Variants in IQSEC3 observed in about 807,000 individuals in gnomAD.
IQSEC3 encodes the protein IQ motif and SEC7 domain-containing protein 3.
A neutral mutation model predicts 105.4 loss-of-function variants in IQSEC3; 50 were observed. That is an observed-to-expected ratio of 0.47 (90% CI 0.38 to 0.60). The LOEUF (loss-of-function observed/expected upper bound fraction) is 0.60, where lower values mean the gene tolerates loss of function less well. Ranked by LOEUF, IQSEC3 falls within the 20% of genes least tolerant of loss-of-function variation. The pLI, the probability that IQSEC3 is intolerant of heterozygous loss-of-function variation, is 0.00. For missense variants in IQSEC3, 1,415 were observed against 1,630.0 expected (o/e 0.87, Z 2.27); for synonymous variants, 708 against 746.0 (o/e 0.95, Z 0.83).
intron 3 of IQSEC3, among the ~76,000 whole-genome samples, chr12:128,378 C>T (rs531842411): frequency 6.6e-6 from 1 of 152,244 alleles, no homozygotes; most frequent in African/African-American, 2.4e-5. Flanking sequence ...CACTTAGTGA[C>T]ATAAAGGGGG....
rs983221425 is a variant in IQSEC3, at chr12:138,187, G to A, written c.904-80G>A. On this transcript the variant is annotated intron_variant, in intron 3 of 13. Coordinates refer to ENST00000538872, the MANE Select transcript of IQSEC3 (RefSeq NM_001170738.2). This position sits in a 1 kb window ranked among gnomAD's most constrained non-coding sequence, Gnocchi z 7.1. ...TCCTGGGCCCCACCCGAGTGTGGCC[G>A]GGTGACTCCACCACTCCTCAGAAGG... 1.5e-5 allele frequency: 19 copies of A among 1,300,760 alleles called. 1 individual carries two copies. The highest frequency in any genetic ancestry group is 6.4e-5 in the Admixed American group (3 of 47,050). The allele number at this position is 1,300,760 out of a possible 1,614,324, so 80.6% of individuals were successfully genotyped here.
intron 3 of IQSEC3, 92 bp downstream of exon 3, chr12:126,004 C>T (rs1275965035): frequency 7.9e-7 from 1 of 1,271,928 alleles, no homozygotes; most frequent in African/African-American, 1.5e-5. Flanking sequence ...CCGCTGGGTC[C>T]CCTCCGCTAC....
intron 1 of IQSEC3, among the ~76,000 whole-genome samples, chr12:92,019 ACGACTAGGGATCCC>A (rs1864102407): frequency 6.6e-6 from 1 of 152,044 alleles, no homozygotes; most frequent in African/African-American, 2.4e-5. Flanking sequence ...GCCTCACAGC[ACGACTAGGGATCCC>A]CAACACATAA....
At chr12:130,713 CAGA>C (rs1555084727) in intron 3 of IQSEC3, among the ~76,000 whole-genome samples, 1 of 152,210 alleles carries the variant, frequency 6.6e-6, no homozygotes, top group African/African-American at 2.4e-5. Flanking sequence ...TGCTGTATTC[CAGA>C]CAGCAGGCTG....
chr12:165,206 C>T (rs374082873), intron 9 of IQSEC3: 12 of 566,668 alleles, frequency 2.1e-5, no homozygotes, highest in Admixed American at 6.3e-5. Flanking sequence ...CCAGCTCAGG[C>T]GCCGTGGCTT....
At chr12:74,347 A>G (rs574955420) in intron 1 of IQSEC3, among the ~76,000 whole-genome samples, 3 of 152,204 alleles carry the variant, frequency 2.0e-5, no homozygotes, top group African/African-American at 4.8e-5. Flanking sequence ...CTTACATGAG[A>G]TATCTTCCAG....
intron 4 of IQSEC3, chr12:140,762 C>T (rs887991941): frequency 6.4e-5 from 14 of 220,010 alleles, no homozygotes; most frequent in Non-Finnish European, 4.5e-5. Context: ...ACCTCTGTTT[C>T]TCCCACCCTC....
In IQSEC3 at chr12:139,118, AG is replaced by A; in HGVS notation, c.1759del (p.Ala587ProfsTer11). 1.3e-6 allele frequency: 2 copies of A among 1,511,278 alleles called. No individual in the cohort carries two copies. The highest frequency in any genetic ancestry group is 1.4e-5 in the African/African-American group (1 of 72,236). The allele number at this position is 1,511,278 out of a possible 1,614,324, so 93.6% of individuals were successfully genotyped here. A position where few individuals can be genotyped will look rare whatever the true frequency, so the allele number is the denominator to read the frequency against. ...AGGAGGAGACGGCGGAGGTGGGGAGAGGGGCCGAGGCCGAGGCAGGCGACTT... is the reference window on the plus strand; with the variant it reads ...AGGAGGAGACGGCGGAGGTGGGGAGAGGGCCGAGGCCGAGGCAGGCGACTT... The part of the protein sequence containing the change: ...EEEETAEVGR[G>X]AEAEAGDLEQ... On this transcript the variant is annotated frameshift_variant, in exon 4 of 14. Coordinates refer to ENST00000538872, the MANE Select transcript of IQSEC3 (RefSeq NM_001170738.2). LOFTEE classifies it high-confidence loss of function.
intron 1 of IQSEC3, among the ~76,000 whole-genome samples, chr12:87,416 C>T (rs1295587262): frequency 2.6e-5 from 4 of 152,110 alleles, no homozygotes; most frequent in Admixed American, 6.5e-5. Context: ...TTTGGGCCAA[C>T]GTATGCTACA....
intron 5 of IQSEC3, chr12:143,646 ATGCAGGGCAGTGCTGGGGTGCCAGC>A: frequency 6.9e-5 from 2 of 29,066 alleles, no homozygotes; most frequent in Non-Finnish European, 7.4e-5. Flanking sequence ...GCCAGCGTTC[ATGCAGGGCAGTGCTGGGGTGCCAGC>A]GTTCATGCAG....
intron 1 of IQSEC3, among the ~76,000 whole-genome samples, chr12:85,914 T>A (rs540482171): frequency 1.8e-4 from 27 of 152,346 alleles, no homozygotes; most frequent in African/African-American, 6.3e-4. Context: ...ATGTGCACAC[T>A]TAATCCCCCA....
intron 7 of IQSEC3, among the ~76,000 whole-genome samples, chr12:158,982 G>C (rs1163678380): frequency 1.3e-5 from 2 of 152,122 alleles, no homozygotes; most frequent in African/African-American, 2.4e-5. Flanking sequence ...TTTATTTTAA[G>C]CATGATCTAT....
chr12:130,551 C>A (rs1865553394), intron 3 of IQSEC3, among the ~76,000 whole-genome samples: 2 of 152,186 alleles, frequency 1.3e-5, no homozygotes, highest in African/African-American at 4.8e-5. Flanking sequence ...ATGAGGAGGG[C>A]AGGCAGCCCA....
chr12:140,884 C>T (rs528810263), intron 4 of IQSEC3: 4 of 482,444 alleles, frequency 8.3e-6, no homozygotes, highest in Non-Finnish European at 1.5e-5. Context: ...GAGAAGGGTA[C>T]TTCTCCTCCA....
intron 4 of IQSEC3, 132 bp from the exon 5 acceptor site, chr12:140,992 G>A (rs1865996940): frequency 1.1e-6 from 1 of 904,660 alleles, no homozygotes; most frequent in Non-Finnish European, 1.7e-6. Flanking sequence ...TGAGGCTCTG[G>A]TGAGAGAAGC....
intron 1 of IQSEC3, among the ~76,000 whole-genome samples, chr12:96,394 G>T (rs1048246250): frequency 1.4e-4 from 22 of 152,192 alleles, no homozygotes. Context: ...ACTTAAAAAG[G>T]TGCGAGACTC....
chr12:177,048 T>C lies in IQSEC3; in HGVS notation c.*2015T>C, dbSNP rs1017327326. ...GCAGGGAGTGCGAGGTATGGGGGAATAGGAACTATGAGCTAAATATACTTA... is the reference window on the plus strand; with the variant it reads ...GCAGGGAGTGCGAGGTATGGGGGAACAGGAACTATGAGCTAAATATACTTA... On this transcript the variant is annotated 3_prime_UTR_variant, in exon 14 of 14. Transcript: ENST00000538872. This position sits in a 1 kb window ranked among gnomAD's most constrained non-coding sequence, Gnocchi z 5.3. 3 of 152,062 alleles carry C rather than the reference T, an allele frequency of 2.0e-5. No homozygotes were observed. The highest frequency in any genetic ancestry group is 2.9e-5 in the Non-Finnish European group (2 of 68,036). 9.4% of individuals were successfully genotyped at this position (152,062 alleles called of 1,614,324 possible).
rs782558594 is a variant in IQSEC3 at position 162,058 on chromosome 12, T to G, written c.2576T>G (p.Met859Arg). 1.2e-6 allele frequency: 2 copies of G among 1,613,658 alleles called. No individual in the cohort carries two copies. Among genetic ancestry groups the G allele is most frequent in the Non-Finnish European group, 1.7e-6 (2 of 1,179,990 alleles). The change falls in exon 8 of 14, where the codon ATG becomes AGG. Residue 859 changes from methionine to arginine, a missense_variant. Met to Arg is a moderately conservative substitution (Grantham distance 91). Around this residue, in one of 6 missense-constraint regions of IQSEC3, gnomAD observed 419 missense variants for 436.2 expected, o/e 0.96. Transcript: ENST00000538872. Reference protein sequence around the residue: ...VTKVEKSIVGMKTVLSVPHRR... With the variant: ...VTKVEKSIVGRKTVLSVPHRR... Reference sequence around the variant, plus strand: ...AAGGTGGAGAAGTCCATTGTGGGCATGAAGACAGTGAGTGTCCACAAGCTA... The same window carrying G: ...AAGGTGGAGAAGTCCATTGTGGGCAGGAAGACAGTGAGTGTCCACAAGCTA...
intron 7 of IQSEC3, among the ~76,000 whole-genome samples, chr12:158,007 C>T (rs527765070): frequency 1.3e-5 from 2 of 152,348 alleles, no homozygotes; most frequent in African/African-American, 4.8e-5. Flanking sequence ...CAGCCCTTCC[C>T]CTCCACAACT....
Sources: allele counts gnomAD v4.1 joint callset (sites outside exome capture counted in the v4.1 genomes callset), GRCh38; gene constraint gnomAD v4.1.1; regional missense constraint gnomAD v4.1.1; non-coding constraint Gnocchi (gnomAD v3.1); transcripts MANE v1.5; gene names NCBI Gene and HGNC (gene_info 2026-07-23, HGNC 2026-07-21).